Variants in DOCK3 observed in about 807,000 individuals in gnomAD.
The protein encoded by DOCK3 is dedicator of cytokinesis protein 3.
In DOCK3, 60 loss-of-function variants were observed where a neutral mutation model predicts 265.6. The ratio of observed to expected loss-of-function variants is 0.23; its 90% CI spans 0.18 to 0.28. DOCK3 has a LOEUF of 0.28. Ranked by LOEUF, DOCK3 falls within the 10% of genes least tolerant of loss-of-function variation. The probability of loss-of-function intolerance (pLI) is 1.00; values close to 1 mark genes in which losing one functional copy is unlikely to be tolerated. For synonymous variants in DOCK3, 881 were observed against 938.0 expected, an observed-to-expected ratio of 0.94 and a Z score of 1.11; for missense variants, 1,981 against 2,594.3, an observed-to-expected ratio of 0.76 and a Z score of 5.14.
At chr3:50,731,131 C>CAA (rs58878539) in intron 1 of DOCK3, among the ~76,000 whole-genome samples, 56 of 99,632 alleles carry the variant, frequency 5.6e-4, no homozygotes, top group East Asian at 4.0e-3. Context: ...GACTCTGTCT[C>CAA]AAAAAAAAAA....
chr3:50,706,595 TG>T (rs1300838883), intron 1 of DOCK3, among the ~76,000 whole-genome samples: 1 of 152,194 alleles, frequency 6.6e-6, no homozygotes, highest in Non-Finnish European at 1.5e-5. Flanking sequence ...TGAATCTATA[TG>T]GAGACCTTTA....
intron 9 of DOCK3, among the ~76,000 whole-genome samples, chr3:51,144,309 A>C (rs2085197421): frequency 6.6e-6 from 1 of 152,100 alleles, no homozygotes; most frequent in Admixed American, 6.5e-5. Flanking sequence ...ATCTTTCTCT[A>C]CCATTTCATT....
At chr3:51,045,090 G>T (rs1341012646) in intron 5 of DOCK3, among the ~76,000 whole-genome samples, 2 of 152,080 alleles carry the variant, frequency 1.3e-5, no homozygotes, top group Non-Finnish European at 2.9e-5. Flanking sequence ...GGTGCAAGGG[G>T]CCTTGCTTTT....
chr3:50,967,992 C>T (rs2077083180), intron 5 of DOCK3, among the ~76,000 whole-genome samples: 1 of 152,142 alleles, frequency 6.6e-6, no homozygotes, highest in South Asian at 2.1e-4. Flanking sequence ...AATTTACGTT[C>T]CCACTACAGT....
At chr3:51,244,330 A>G (rs1047451699) in intron 21 of DOCK3, among the ~76,000 whole-genome samples, 3 of 152,146 alleles carry the variant, frequency 2.0e-5, no homozygotes, top group Non-Finnish European at 4.4e-5. Flanking sequence ...CCTTCTAATT[A>G]ATGAATATAA....
At chr3:50,849,368 A>G (rs2107358322) in intron 3 of DOCK3, among the ~76,000 whole-genome samples, 1 of 151,792 alleles carries the variant, frequency 6.6e-6, no homozygotes, top group African/African-American at 2.4e-5. Flanking sequence ...ACACACATAC[A>G]CACGCACACA....
chr3:50,993,582 C>T (rs1236232203), intron 5 of DOCK3, among the ~76,000 whole-genome samples: 1 of 152,168 alleles, frequency 6.6e-6, no homozygotes, highest in Non-Finnish European at 1.5e-5. Context: ...TTCCAGTGTT[C>T]ATCAGTTTAT....
At position 50,977,505 on chromosome 3, in the gene DOCK3, A is replaced by G. The variant is rs547857330; in HGVS notation, c.315+43428A>G. Among the ~76,000 whole-genome samples the G allele has an allele frequency of 2.6e-5, 4 of 152,332 alleles. No homozygotes were observed. In the East Asian group the frequency reaches 7.7e-4, roughly 29 times the overall value. ...CTTCTGGCTTGTAGGGTTTCTGCCA[A>G]GAGATCCCCTGTTAGTCTGATGGGC... On this transcript the variant is annotated intron_variant, in intron 5 of 52. Transcript: ENST00000266037.
At chr3:51,376,651 G>A (rs1190009160) in intron 51 of DOCK3, among the ~76,000 whole-genome samples, 1 of 152,136 alleles carries the variant, frequency 6.6e-6, no homozygotes, top group African/African-American at 2.4e-5. Context: ...GGAGTTTAGG[G>A]CACACTCAGT....
chr3:51,294,724 ATAG>A (rs1209798266), intron 27 of DOCK3, among the ~76,000 whole-genome samples: 2 of 149,482 alleles, frequency 1.3e-5, no homozygotes, highest in Admixed American at 6.6e-5. Flanking sequence ...CGAAAAGTAG[ATAG>A]TAGAATGATG....
In DOCK3 at chr3:51,356,147, T is replaced by C; in HGVS notation, c.4308T>C (p.Asp1436=). 1 of 1,613,948 alleles carries C rather than the reference T, an allele frequency of 6.2e-7. No individual in the cohort carries two copies. The highest frequency in any genetic ancestry group is 1.6e-4 in the Middle Eastern group (1 of 6,062). ...ATTATGTGGATGTTCTGCAGATGGA[T>C]AGGGTACCAGATCGAGTCAAGAGCT... ...IPDYVDVLQM[D]RVPDRVKSFY... Residue 1436 remains aspartate, a synonymous_variant, in exon 42 of 53, where the codon GAT becomes GAC. Coordinates refer to ENST00000266037, the MANE Select transcript of DOCK3 (RefSeq NM_004947.5).
chr3:50,801,266 C>G (rs949190228), intron 2 of DOCK3, among the ~76,000 whole-genome samples: 10 of 151,942 alleles, frequency 6.6e-5, no homozygotes, highest in African/African-American at 2.2e-4. Context: ...AGGGTTAGGC[C>G]GCACAGGCTA....
At chr3:51,082,078 G>A (rs2109448584) in intron 7 of DOCK3, among the ~76,000 whole-genome samples, 1 of 152,038 alleles carries the variant, frequency 6.6e-6, no homozygotes, top group South Asian at 2.1e-4. Context: ...AGTCATGGAA[G>A]GAGAGGGAAG....
intron 12 of DOCK3, among the ~76,000 whole-genome samples, chr3:51,173,119 C>T (rs915324212): frequency 6.6e-6 from 1 of 151,940 alleles, no homozygotes; most frequent in Non-Finnish European, 1.5e-5. Context: ...TGAGTTTATA[C>T]TTTCTTTCTT....
chr3:51,202,154 G>A (rs2088825512), intron 12 of DOCK3, among the ~76,000 whole-genome samples: 2 of 34,570 alleles, frequency 5.8e-5, no homozygotes, highest in Non-Finnish European at 1.0e-4. Context: ...CTAGCAGAAG[G>A]CAAGAAATAA....
chr3:51,193,801 C>CTTT (rs36051516), intron 12 of DOCK3, among the ~76,000 whole-genome samples: 7 of 126,674 alleles, frequency 5.5e-5, no homozygotes, highest in Non-Finnish European at 6.5e-5. Flanking sequence ...GGGCTTCTCT[C>CTTT]TTTTTTTTTT....
intron 5 of DOCK3, among the ~76,000 whole-genome samples, chr3:50,949,038 T>C (rs1027903444): frequency 6.6e-6 from 1 of 152,180 alleles, no homozygotes; most frequent in African/African-American, 2.4e-5. Flanking sequence ...AATATTCATA[T>C]GGAGGAAAAA....
At chr3:50,761,781 T>C (rs2040545514) in intron 1 of DOCK3, among the ~76,000 whole-genome samples, 1 of 152,226 alleles carries the variant, frequency 6.6e-6, no homozygotes, top group South Asian at 2.1e-4. Flanking sequence ...GGATTATAAA[T>C]CATGCTGCTA....
At chr3:51,225,813 C>A (rs748383747) in intron 15 of DOCK3, 40 bp downstream of exon 15, 1 of 1,584,602 alleles carries the variant, frequency 6.3e-7, no homozygotes, top group Admixed American at 1.8e-5. Context: ...GGAGGATAAT[C>A]CTATAATAAT....
Sources: gnomAD v4.1 joint callset for allele counts (sites outside exome capture counted in the v4.1 genomes callset) on GRCh38, gnomAD v4.1.1 for gene constraint, MANE v1.5 for transcripts, NCBI Gene and HGNC (gene_info 2026-07-23, HGNC 2026-07-21) for gene names.